Variants in COL23A1 observed in about 807,000 individuals in gnomAD.
COL23A1 encodes collagen type XXIII alpha 1 chain, also known as collagen alpha-1(XXIII) chain.
A neutral mutation model predicts 99.3 loss-of-function variants in COL23A1; 97 were observed. The ratio of observed to expected loss-of-function variants is 0.98; its 90% CI spans 0.83 to 1.16. The LOEUF (loss-of-function observed/expected upper bound fraction) is 1.16. COL23A1 is among the 50% of genes most tolerant of loss of function. The pLI is 0.00. For missense variants in COL23A1, 762 were observed against 757.4 expected (o/e 1.01, Z -0.07); for synonymous variants, 320 against 308.2 (o/e 1.04, Z -0.40).
chr5:178,411,583 G>C (rs1227511301), intron 2 of COL23A1, among the ~76,000 whole-genome samples: 3 of 152,162 alleles, frequency 2.0e-5, no homozygotes, highest in African/African-American at 7.2e-5. Flanking sequence ...AATATATAAA[G>C]CCATAGAGAC....
In COL23A1 at chr5:178,590,241, TG is replaced by T; in HGVS notation, c.-45del. Reference sequence around the variant, plus strand: ...GGACTCTCCGAGGGGGCGGTGCTGCTGGGGCAGAGGCTGGGTGCGAGAGGAG... The same window carrying T: ...GGACTCTCCGAGGGGGCGGTGCTGCTGGGCAGAGGCTGGGTGCGAGAGGAG... On this transcript the variant is annotated 5_prime_UTR_variant, in exon 1 of 29. Coordinates refer to ENST00000390654, the MANE Select transcript of COL23A1 (RefSeq NM_173465.4). This position sits in a 1 kb window ranked among gnomAD's most constrained non-coding sequence, Gnocchi z 5.7. 1 of 1,202,554 alleles carries T rather than the reference TG, an allele frequency of 8.3e-7. No homozygotes were observed. Among genetic ancestry groups the T allele is most frequent in the Non-Finnish European group, 1.0e-6 (1 of 967,738 alleles). The allele number at this position is 1,202,554 out of a possible 1,614,324, so 74.5% of individuals were successfully genotyped here.
In COL23A1 at chr5:178,309,286, G is replaced by A. The variant is rs1758536826; in HGVS notation, c.362-2367C>T. On this transcript the variant is annotated intron_variant, in intron 2 of 28. Transcript: ENST00000390654. The surrounding 1 kb of genome is among the most constrained non-coding windows in gnomAD (Gnocchi z 4.7). ...GGGAGGGATGCTGGCAGGGTGGGCA[G>A]CTGCCCAGGCAGGGTAGGGTGCCTG... Among the ~76,000 whole-genome samples, 1 of 152,200 alleles carries A rather than the reference G, an allele frequency of 6.6e-6. No homozygotes were observed. The highest frequency in any genetic ancestry group is 1.5e-5 in the Non-Finnish European group (1 of 68,024).
At chr5:178,498,205 AATATATATATATAT>A (rs1159261586) in intron 2 of COL23A1, among the ~76,000 whole-genome samples, 628 of 34,574 alleles carry the variant, frequency 0.018, 8 homozygotes, top group Admixed American at 0.035. Flanking sequence ...TCTTTATTTA[AATATATATATATAT>A]ATATATATAT....
intron 1 of COL23A1, among the ~76,000 whole-genome samples, chr5:178,577,756 G>A (rs1763455595): frequency 6.6e-6 from 1 of 152,244 alleles, no homozygotes. Flanking sequence ...GGCGGATTCG[G>A]CCAGCCCCTT....
intron 2 of COL23A1, among the ~76,000 whole-genome samples, chr5:178,487,486 A>C (rs530219963): frequency 6.6e-6 from 1 of 152,016 alleles, no homozygotes; most frequent in African/African-American, 2.4e-5. Flanking sequence ...ATGCTCAGCT[A>C]ATTTTTGTAT....
At chr5:178,558,120 T>A (rs262017) in intron 2 of COL23A1, among the ~76,000 whole-genome samples, 1 of 150,516 alleles carries the variant, frequency 6.6e-6, no homozygotes, top group African/African-American at 2.4e-5. Context: ...AGCCCTTCAG[T>A]CCCCCATGGT....
intron 2 of COL23A1, among the ~76,000 whole-genome samples, chr5:178,386,118 G>A (rs1218863144): frequency 6.6e-6 from 1 of 152,008 alleles, no homozygotes; most frequent in Non-Finnish European, 1.5e-5. Context: ...CGTGTATGTG[G>A]GTATGTTTTT....
At chr5:178,472,064 G>A (rs1002999864) in intron 2 of COL23A1, among the ~76,000 whole-genome samples, 2 of 152,192 alleles carry the variant, frequency 1.3e-5, no homozygotes, top group African/African-American at 4.8e-5. Context: ...GCTCAAGGAG[G>A]GAGGATGGCT....
At chr5:178,473,871 T>C (rs73338671) in intron 2 of COL23A1, among the ~76,000 whole-genome samples, 2,164 of 152,286 alleles carry the variant, frequency 0.014, 50 homozygotes, top group African/African-American at 0.048. Context: ...GAAAGAAAGA[T>C]GCTGAACAAC....
At chr5:178,297,543 G>A (rs899468320) in intron 3 of COL23A1, among the ~76,000 whole-genome samples, 2 of 152,102 alleles carry the variant, frequency 1.3e-5, no homozygotes, top group African/African-American at 4.8e-5. Flanking sequence ...AAACAGAGAT[G>A]TCAAAGACAA....
chr5:178,380,393 TTGTGTG>T (rs112420315), intron 2 of COL23A1, among the ~76,000 whole-genome samples: 2,920 of 147,208 alleles, frequency 0.02, 96 homozygotes, highest in African/African-American at 0.069. Context: ...GAGCATGCAT[TTGTGTG>T]TGTGTGTGTG....
At position 178,366,114 on chromosome 5, in the gene COL23A1, T is replaced by C. The variant is rs1483201812; in HGVS notation, c.362-59195A>G. On this transcript the variant is annotated intron_variant, in intron 2 of 28. Coordinates refer to ENST00000390654, the MANE Select transcript of COL23A1 (RefSeq NM_173465.4). This position sits in a 1 kb window ranked among gnomAD's most constrained non-coding sequence, Gnocchi z 4.4. ...ATCTGGCCCAGCCCCATGGGGACCA[T>C]CTGTTAAAGCTCCATCTACCCTACG... is the stretch of plus-strand genomic sequence containing the variant. 5.9e-5 allele frequency among the ~76,000 whole-genome samples: 9 copies of C among 152,090 alleles called. No homozygotes were observed. Among genetic ancestry groups the C allele is most frequent in the East Asian group, 5.8e-4 (3 of 5,168 alleles).
rs555028827 is a variant in COL23A1 at position 178,320,354 on chromosome 5, C to A, written c.362-13435G>T. Among the ~76,000 whole-genome samples the A allele has an allele frequency of 8.8e-4, 134 of 152,262 alleles. 1 individual carries two copies. The highest frequency in any genetic ancestry group is 2.8e-3 in the African/African-American group (117 of 41,554). ...CTCGCTGGCACAGAGCCACCTGAAT[C>A]GGGAAGAAGTGGGCACTGATGAGGC... is the stretch of plus-strand genomic sequence containing the variant. On this transcript the variant is annotated intron_variant, in intron 2 of 28. Coordinates refer to ENST00000390654, the MANE Select transcript of COL23A1 (RefSeq NM_173465.4).
chr5:178,407,029 G>A (rs1286555244), intron 2 of COL23A1, among the ~76,000 whole-genome samples: 1 of 152,204 alleles, frequency 6.6e-6, no homozygotes, highest in Non-Finnish European at 1.5e-5. Flanking sequence ...CCTGAGAAAG[G>A]ACAGAGAGGT....
At chr5:178,572,136 T>C (rs1201247059) in intron 1 of COL23A1, among the ~76,000 whole-genome samples, 1 of 135,530 alleles carries the variant, frequency 7.4e-6, no homozygotes, top group Non-Finnish European at 1.5e-5. Context: ...AGATGAAAAA[T>C]ATGATGGAAG....
At chr5:178,417,476 A>T (rs1649543650) in intron 2 of COL23A1, among the ~76,000 whole-genome samples, 2 of 152,156 alleles carry the variant, frequency 1.3e-5, no homozygotes, top group Non-Finnish European at 2.9e-5. Context: ...CCAAAGGGGG[A>T]AATCACGCCC....
intron 2 of COL23A1, among the ~76,000 whole-genome samples, chr5:178,457,167 T>G (rs1209548572): frequency 6.6e-6 from 1 of 152,192 alleles, no homozygotes; most frequent in African/African-American, 2.4e-5. Context: ...ACTAAAAGAT[T>G]GAACAGAAAT....
At chr5:178,312,265 G>A (rs1758737008) in intron 2 of COL23A1, among the ~76,000 whole-genome samples, 2 of 152,156 alleles carry the variant, frequency 1.3e-5, no homozygotes, top group South Asian at 4.1e-4. Context: ...CTTTGGGAAT[G>A]AGGTTTCTCA....
At chr5:178,572,509 A>G (rs1437319604) in intron 1 of COL23A1, among the ~76,000 whole-genome samples, 1 of 152,234 alleles carries the variant, frequency 6.6e-6, no homozygotes, top group African/African-American at 2.4e-5. Flanking sequence ...CCAGCAATAA[A>G]GAGAAAATCT....
Sources: allele counts gnomAD v4.1 joint callset (sites outside exome capture counted in the v4.1 genomes callset), GRCh38; gene constraint gnomAD v4.1.1; non-coding constraint Gnocchi (gnomAD v3.1); transcripts MANE v1.5; gene names NCBI Gene and HGNC (gene_info 2026-07-23, HGNC 2026-07-21).